Variants in RNF123 observed in about 807,000 individuals in gnomAD.
The protein encoded by RNF123 is ring finger protein 123.
A neutral mutation model predicts 168.5 loss-of-function variants in RNF123; 86 were observed. That is an observed-to-expected ratio of 0.51 (90% CI 0.43 to 0.61). The LOEUF (loss-of-function observed/expected upper bound fraction) is 0.61, where lower values mean the gene tolerates loss of function less well. RNF123 is among the 20% of genes least tolerant of loss of function. The pLI, the probability that RNF123 is intolerant of heterozygous loss-of-function variation, is 0.00. For synonymous variants in RNF123, 666 were observed against 689.1 expected (o/e 0.97, Z 0.52); for missense variants, 1,419 against 1,729.7 (o/e 0.82, Z 3.19).
Position 49,716,383 on chromosome 3 carries a change from T to C in RNF123, c.3416-10T>C, listed in dbSNP as rs745373990. 12 of 1,612,654 alleles carry C rather than the reference T, an allele frequency of 7.4e-6. No homozygotes were observed. The highest frequency in any genetic ancestry group is 6.7e-5 in the African/African-American group (5 of 74,882). ...TGGGTGGCTCATCTCTTTCCTCCCC[T>C]TCCCCTCAGGCCTAGAGAGCGTGGA... is the stretch of plus-strand genomic sequence containing the variant. On this transcript the variant is annotated splice_polypyrimidine_tract_variant and intron_variant, in intron 34 of 38. Transcript: ENST00000327697.
intron 31 of RNF123, among the ~76,000 whole-genome samples, chr3:49,715,240 G>C (rs1166902832): frequency 1.3e-5 from 2 of 152,248 alleles, no homozygotes; most frequent in South Asian, 4.1e-4. Flanking sequence ...AAGCCGCCCT[G>C]TTTAGGTCTG....
At chr3:49,718,448 C>CT (rs778101475) in intron 35 of RNF123, 1 of 1,612,968 alleles carries the variant, frequency 6.2e-7, no homozygotes, top group Middle Eastern at 1.6e-4. Flanking sequence ...TGTACGTTGC[C>CT]TATGGCCAAG....
intron 35 of RNF123, chr3:49,719,353 C>G (rs2108206021): frequency 6.2e-7 from 1 of 1,613,520 alleles, no homozygotes; most frequent in Non-Finnish European, 8.5e-7. Context: ...AGCGCAGATA[C>G]ATTTGTAGGG....
intron 35 of RNF123, chr3:49,718,412 ACACGAAGAGT>A: frequency 6.2e-7 from 1 of 1,613,046 alleles, no homozygotes; most frequent in Non-Finnish European, 8.5e-7. Flanking sequence ...GTGGCCAGGC[ACACGAAGAGT>A]CCCGCATGCT....
Position 49,700,466 on chromosome 3 carries a change from C to T in RNF123, c.1111-6C>T, listed in dbSNP as rs888781141. On this transcript the variant is annotated splice_region_variant and splice_polypyrimidine_tract_variant and intron_variant, in intron 13 of 38. Transcript: ENST00000327697. ...GTCATGGCTGCCTTGGCATCTCTTC[C>T]CCCAGGACTACGAGGTACAAGATTG... The T allele has an allele frequency of 6.2e-7, 1 of 1,613,878 alleles. No homozygotes were observed. The highest frequency in any genetic ancestry group is 8.5e-7 in the Non-Finnish European group (1 of 1,179,766).
intron 20 of RNF123, among the ~76,000 whole-genome samples, chr3:49,702,977 A>G (rs775973131): frequency 1.6e-4 from 24 of 152,068 alleles, no homozygotes; most frequent in Non-Finnish European, 3.4e-4. Context: ...TGATTGTCCC[A>G]CGGGCTCCTA....
chr3:49,697,973 A>C, intron 6 of RNF123, 34 bp downstream of exon 6: 1 of 1,613,994 alleles, frequency 6.2e-7, no homozygotes, highest in Non-Finnish European at 8.5e-7. Context: ...CTAGGTAGTG[A>C]GGAGAAAGTT....
chr3:49,717,785 T>C (rs1363121050), intron 35 of RNF123: 3 of 752,094 alleles, frequency 4.0e-6, no homozygotes, highest in Non-Finnish European at 6.3e-6. Flanking sequence ...ACAACCCCTG[T>C]CTCTACCAGT....
At chr3:49,698,615 G>A in intron 8 of RNF123, 89 bp downstream of exon 8, 1 of 1,550,414 alleles carries the variant, frequency 6.4e-7, no homozygotes, top group Non-Finnish European at 8.9e-7. Flanking sequence ...GGACTACAGG[G>A]CACCAGGGAA....
chr3:49,692,472 C>G (rs1161902453), intron 3 of RNF123, among the ~76,000 whole-genome samples: 1 of 152,168 alleles, frequency 6.6e-6, no homozygotes, highest in Non-Finnish European at 1.5e-5. Context: ...AAGCATTTAT[C>G]TTTTGTCTTA....
chr3:49,692,498 T>C (rs1426833950), intron 3 of RNF123, among the ~76,000 whole-genome samples: 1 of 152,232 alleles, frequency 6.6e-6, no homozygotes, highest in Non-Finnish European at 1.5e-5. Context: ...AATCTAGTTA[T>C]ACTCTTTTAG....
intron 5 of RNF123, 77 bp downstream of exon 5, chr3:49,697,534 A>G: frequency 8.4e-7 from 1 of 1,189,656 alleles, no homozygotes; most frequent in Non-Finnish European, 1.2e-6. Flanking sequence ...ATGTGGCCCT[A>G]GTCTCTCTAC....
rs1321133137 is a variant in RNF123, at chr3:49,691,425, G to A, written c.83G>A (p.Gly28Asp). The A allele has an allele frequency of 6.2e-7, 1 of 1,614,032 alleles. No homozygotes were observed. Among genetic ancestry groups the A allele is most frequent in the African/African-American group, 1.3e-5 (1 of 74,920 alleles). Reference protein sequence around the residue: ...TSDAEKSRVTGIVQEKLLNDY... With the variant: ...TSDAEKSRVTDIVQEKLLNDY... ...TTCTCCCTTCTGACTTGTGGCTCAG[G>A]CATTGTGCAGGAGAAGCTGCTGAAT... is the stretch of plus-strand genomic sequence containing the variant. Residue 28 changes from glycine to aspartate, a missense_variant and splice_region_variant, in exon 3 of 39, where the codon GGC becomes GAC. Coordinates refer to ENST00000327697, the MANE Select transcript of RNF123 (RefSeq NM_022064.5).
rs1191498601 is a variant in RNF123 at position 49,701,876 on chromosome 3, A to T, written c.1461A>T (p.Glu487Asp). 8.3e-6 allele frequency: 13 copies of T among 1,566,804 alleles called. No homozygotes were observed. Among genetic ancestry groups the T allele is most frequent in the African/African-American group, 1.3e-5 (1 of 74,506 alleles). ...AGCGGCTGCGGCGGCGAGCCTACGAACGGGGCTGTCAGCGGCTCAGGAAGC... is the reference window on the plus strand; with the variant it reads ...AGCGGCTGCGGCGGCGAGCCTACGATCGGGGCTGTCAGCGGCTCAGGAAGC... ...AEERLRRRAYERGCQRLRKRI... is the reference protein window; with the variant it reads ...AEERLRRRAYDRGCQRLRKRI... The change falls in exon 17 of 39, where the codon GAA becomes GAT. Residue 487 changes from glutamate to aspartate, a missense_variant. This residue lies in a region of RNF123 where 349 missense variants were observed against 344.9 expected (regional missense o/e 1.01). Transcript: ENST00000327697.
At position 49,706,877 on chromosome 3, in the gene RNF123, C is replaced by G; in HGVS notation, c.2475C>G (p.Val825=). 6.2e-7 allele frequency: 1 copy of G among 1,614,134 alleles called. No homozygotes were observed. The highest frequency in any genetic ancestry group is 8.5e-7 in the Non-Finnish European group (1 of 1,179,960). Residue 825 remains valine, a synonymous_variant, in exon 26 of 39, where the codon GTC becomes GTG. Coordinates refer to ENST00000327697, the MANE Select transcript of RNF123 (RefSeq NM_022064.5). ...ACCTGAGCCGCCGTCTTGCCTGGGTCCATGCCACTGTCTACTCCCAGGTGT... is the reference window on the plus strand; with the variant it reads ...ACCTGAGCCGCCGTCTTGCCTGGGTGCATGCCACTGTCTACTCCCAGGTGT... The part of the protein sequence containing the change: ...LDHLSRRLAW[V]HATVYSQEKM...
chr3:49,700,358 G>A lies in RNF123; in HGVS notation c.1110+6G>A. On this transcript the variant is annotated splice_donor_region_variant and intron_variant, in intron 13 of 38. Transcript: ENST00000327697. ...TCTTGTGGCTCTTCATGGAGGTGAGGCTCCTGACCTCAGGCCTCAGGCCTG... is the reference window on the plus strand; with the variant it reads ...TCTTGTGGCTCTTCATGGAGGTGAGACTCCTGACCTCAGGCCTCAGGCCTG... The A allele has an allele frequency of 6.2e-7, 1 of 1,614,090 alleles. No homozygotes were observed. Among genetic ancestry groups the A allele is most frequent in the African/African-American group, 1.3e-5 (1 of 75,052 alleles).
At chr3:49,718,098 A>G in intron 35 of RNF123, 1 of 1,613,594 alleles carries the variant, frequency 6.2e-7, no homozygotes, top group Non-Finnish European at 8.5e-7. Flanking sequence ...CTGGCTCCAG[A>G]AAGACTACGT....
intron 3 of RNF123, 89 bp from the exon 4 acceptor site, chr3:49,697,054 C>T (rs1310894484): frequency 5.3e-6 from 6 of 1,131,496 alleles, no homozygotes; most frequent in African/African-American, 4.6e-5. Context: ...GGCAGCCCCC[C>T]TGTGAGCTCA....
At chr3:49,717,688 C>T (rs1340268786) in intron 35 of RNF123, 8 of 559,210 alleles carry the variant, frequency 1.4e-5, no homozygotes, top group Middle Eastern at 4.7e-4. Context: ...CTAGGAAGTC[C>T]GCGGGAAAGC....
Sources: gnomAD v4.1 joint callset for allele counts (sites outside exome capture counted in the v4.1 genomes callset) on GRCh38, gnomAD v4.1.1 for gene constraint, gnomAD v4.1.1 regional missense constraint, MANE v1.5 for transcripts, NCBI Gene and HGNC (gene_info 2026-07-23, HGNC 2026-07-21) for gene names.